Variants in TCERG1L observed in about 807,000 individuals in gnomAD.
TCERG1L encodes the protein transcription elongation regulator 1-like protein.
TCERG1L carries 37 observed loss-of-function variants against 56.3 expected under a neutral mutation model. That is an observed-to-expected ratio of 0.66 (90% confidence interval 0.51 to 0.87). TCERG1L has a LOEUF of 0.87. Among genes scored for constraint, TCERG1L ranks in the 40% least tolerant of loss-of-function variants. The pLI, the probability that TCERG1L is intolerant of heterozygous loss-of-function variation, is 0.00. For synonymous variants in TCERG1L, 324 were observed against 326.3 expected (o/e 0.99, Z 0.08); for missense variants, 799 against 774.2 (o/e 1.03, Z -0.38).
chr10:131,112,206 G>A (rs985687466), intron 9 of TCERG1L, among the ~76,000 whole-genome samples: 3 of 142,766 alleles, frequency 2.1e-5, no homozygotes, highest in Non-Finnish European at 3.2e-5. Context: ...TTCCAGGGCC[G>A]GGGGCTGAAG....
intron 10 of TCERG1L, among the ~76,000 whole-genome samples, chr10:131,101,776 C>T (rs1301990013): frequency 2.6e-5 from 4 of 152,134 alleles, no homozygotes; most frequent in Admixed American, 2.0e-4. Context: ...TCTCGGCTCA[C>T]TGCAACCTCT....
intron 4 of TCERG1L, among the ~76,000 whole-genome samples, chr10:131,211,302 T>G (rs1845617091): frequency 6.6e-6 from 1 of 152,220 alleles, no homozygotes; most frequent in Non-Finnish European, 1.5e-5. Flanking sequence ...TAGAACCGGA[T>G]CAGATGCCTC....
intron 3 of TCERG1L, among the ~76,000 whole-genome samples, chr10:131,291,397 A>ATTTTTTTTTTTTTTTTTTTTT (rs1564835283): frequency 1.7e-5 from 1 of 60,188 alleles, no homozygotes; most frequent in Non-Finnish European, 3.2e-5. Flanking sequence ...CATAAACAGC[A>ATTTTTTTTTTTTTTTTTTTTT]TTTCTTTTTT....
At chr10:131,229,897 C>A (rs927599757) in intron 4 of TCERG1L, among the ~76,000 whole-genome samples, 1 of 152,140 alleles carries the variant, frequency 6.6e-6, no homozygotes, top group East Asian at 1.9e-4. Context: ...CTGAACGAAG[C>A]GCTGAGGAGA....
intron 3 of TCERG1L, among the ~76,000 whole-genome samples, chr10:131,262,902 A>T: frequency 6.6e-6 from 1 of 152,044 alleles, no homozygotes. Flanking sequence ...CCAGAAGGCC[A>T]TTCAGTTGGA....
At chr10:131,194,280 A>T (rs2918143) in intron 4 of TCERG1L, among the ~76,000 whole-genome samples, 6 of 152,108 alleles carry the variant, frequency 3.9e-5, no homozygotes, top group Non-Finnish European at 8.8e-5. Context: ...CGCTGCCCCG[A>T]GGAACTTACA....
At chr10:131,211,821 G>GAA (rs1845624126) in intron 4 of TCERG1L, among the ~76,000 whole-genome samples, 1 of 152,190 alleles carries the variant, frequency 6.6e-6, no homozygotes, top group African/African-American at 2.4e-5. Context: ...GCAGACGGCG[G>GAA]CTGGGAGCAT....
intron 3 of TCERG1L, among the ~76,000 whole-genome samples, chr10:131,301,657 TAAA>T (rs200862117): frequency 2.0e-5 from 3 of 150,382 alleles, no homozygotes; most frequent in East Asian, 3.9e-4. Flanking sequence ...GTCTGCTTTT[TAAA>T]AAAAAAATCA....
At chr10:131,097,382 C>T (rs1304285057) in intron 11 of TCERG1L, among the ~76,000 whole-genome samples, 3 of 152,196 alleles carry the variant, frequency 2.0e-5, no homozygotes. Flanking sequence ...GAGACTCACT[C>T]TGTCGCCCAG....
At chr10:131,132,354 C>T (rs575418682) in intron 8 of TCERG1L, among the ~76,000 whole-genome samples, 6 of 152,350 alleles carry the variant, frequency 3.9e-5, no homozygotes, top group Admixed American at 2.6e-4. Context: ...CCATGCAAAA[C>T]ATCCGTGCAT....
intron 9 of TCERG1L, among the ~76,000 whole-genome samples, chr10:131,113,238 A>G (rs1401395051): frequency 7.0e-6 from 1 of 142,778 alleles, no homozygotes; most frequent in Non-Finnish European, 1.6e-5. Flanking sequence ...CATTAAGCGT[A>G]ATTATAATCC....
intron 6 of TCERG1L, 125 bp from the exon 7 acceptor site, chr10:131,146,785 T>C (rs1161459431): frequency 9.1e-7 from 1 of 1,095,458 alleles, no homozygotes; most frequent in Non-Finnish European, 1.3e-6. Flanking sequence ...AGCTTGTTTA[T>C]GGATAGTATG....
chr10:131,124,718 C>A (rs886813485), intron 8 of TCERG1L, among the ~76,000 whole-genome samples: 2 of 152,170 alleles, frequency 1.3e-5, no homozygotes, highest in African/African-American at 4.8e-5. Flanking sequence ...CTTTATCCCC[C>A]AAATGACAAC....
intron 4 of TCERG1L, among the ~76,000 whole-genome samples, chr10:131,247,768 C>G (rs926908205): frequency 4.6e-5 from 7 of 152,194 alleles, no homozygotes; most frequent in Non-Finnish European, 1.0e-4. Flanking sequence ...ACCTGATTCT[C>G]AAACAAGGCT....
In TCERG1L at chr10:131,093,104, C is replaced by A; in HGVS notation, c.*58G>T. ...GCCCGTGTCCGTCTCCACCGTGACC[C>A]CCTCGCCCCCGGCACGCCCAGGGTC... On this transcript the variant is annotated 3_prime_UTR_variant, in exon 12 of 12. Coordinates refer to ENST00000368642, the MANE Select transcript of TCERG1L (RefSeq NM_174937.4). 4.4e-6 allele frequency: 7 copies of A among 1,581,190 alleles called. No individual in the cohort carries two copies. In the South Asian group the frequency reaches 8.1e-5, roughly 18 times the overall value.
intron 4 of TCERG1L, among the ~76,000 whole-genome samples, chr10:131,251,203 C>T (rs549821279): frequency 6.6e-6 from 1 of 152,318 alleles, no homozygotes; most frequent in South Asian, 2.1e-4. Flanking sequence ...TGGAGCTCTG[C>T]CGTGGCCCTG....
intron 4 of TCERG1L, among the ~76,000 whole-genome samples, chr10:131,205,759 G>A (rs550407518): frequency 3.9e-5 from 6 of 152,316 alleles, no homozygotes; most frequent in South Asian, 2.1e-4. Context: ...TCAGCACGGC[G>A]GACCTCATCC....
chr10:131,196,389 G>C (rs901038048), intron 4 of TCERG1L, among the ~76,000 whole-genome samples: 13 of 152,132 alleles, frequency 8.5e-5, no homozygotes, highest in Admixed American at 7.2e-4. Flanking sequence ...GGGCGTGTTG[G>C]TTCCTTCCAA....
intron 4 of TCERG1L, among the ~76,000 whole-genome samples, chr10:131,257,289 C>A (rs1365807917): frequency 6.6e-6 from 1 of 152,274 alleles, no homozygotes; most frequent in East Asian, 1.9e-4. Context: ...ACAAAGGACA[C>A]CCCATCCCCT....
Sources: allele counts gnomAD v4.1 joint callset (sites outside exome capture counted in the v4.1 genomes callset), GRCh38; gene constraint gnomAD v4.1.1; transcripts MANE v1.5; gene names NCBI Gene and HGNC (gene_info 2026-07-23, HGNC 2026-07-21).